Variants in CDH18 observed in about 807,000 individuals in gnomAD.
CDH18 encodes the protein cadherin 18, also known as cadherin-18.
CDH18 carries 31 observed loss-of-function variants against 67.9 expected under a neutral mutation model. The observed-to-expected ratio is 0.46, with a 90% CI of 0.34 to 0.62. The LOEUF (loss-of-function observed/expected upper bound fraction) is 0.62. CDH18 is among the 20% of genes least tolerant of loss of function. CDH18 has a pLI of 0.01. For synonymous variants in CDH18, 362 were observed against 347.2 expected (o/e 1.04, Z -0.48); for missense variants, 890 against 975.5 (o/e 0.91, Z 1.17).
intron 1 of CDH18, among the ~76,000 whole-genome samples, chr5:20,386,396 T>C (rs907907848): frequency 1.3e-5 from 2 of 152,194 alleles, no homozygotes; most frequent in African/African-American, 4.8e-5. Context: ...TGTAATGGCA[T>C]CTTTCTCAGA....
At chr5:19,526,466 G>T (rs1747767030) in intron 9 of CDH18, among the ~76,000 whole-genome samples, 1 of 152,090 alleles carries the variant, frequency 6.6e-6, no homozygotes, top group Non-Finnish European at 1.5e-5. Flanking sequence ...TTTATCCAGT[G>T]ATTACTTTTG....
intron 3 of CDH18, among the ~76,000 whole-genome samples, chr5:19,804,253 G>T (rs1777801527): frequency 6.6e-6 from 1 of 151,054 alleles, no homozygotes; most frequent in Admixed American, 6.6e-5. Context: ...AGTGAGCCGA[G>T]ATCGCACCAC....
rs569266579 is a variant in CDH18 at position 19,669,076 on chromosome 5, T to A, written c.643+52271A>T. Among the ~76,000 whole-genome samples the A allele has an allele frequency of 6.1e-5, 9 of 148,192 alleles. No homozygotes were observed. The South Asian group carries it at 1.7e-3, about 28-fold the overall frequency. On this transcript the variant is annotated intron_variant, in intron 5 of 12. Coordinates refer to ENST00000382275, the MANE Select transcript of CDH18 (RefSeq NM_004934.5). ...TAACTAAATATTCAGAGCATAATGA[T>A]TACTTCCAACTTGATTTGTACAATC...
chr5:20,177,751 GT>G (rs1737355236), intron 2 of CDH18, among the ~76,000 whole-genome samples: 1 of 152,000 alleles, frequency 6.6e-6, no homozygotes, highest in South Asian at 2.1e-4. Context: ...CATGGGGGTG[GT>G]TTCCCCCATA....
At chr5:19,528,933 C>G (rs1424216562) in intron 9 of CDH18, among the ~76,000 whole-genome samples, 5 of 151,360 alleles carry the variant, frequency 3.3e-5, no homozygotes, top group South Asian at 2.1e-4. Context: ...TTTAAATAAA[C>G]TACATAATTA....
intron 2 of CDH18, among the ~76,000 whole-genome samples, chr5:20,054,207 T>A (rs1485523771): frequency 2.0e-5 from 3 of 152,116 alleles, no homozygotes; most frequent in African/African-American, 7.2e-5. Flanking sequence ...TCCCCAAATA[T>A]AAGGTACATA....
intron 4 of CDH18, among the ~76,000 whole-genome samples, chr5:19,743,383 C>A (rs986703021): frequency 1.3e-5 from 2 of 152,100 alleles, no homozygotes; most frequent in East Asian, 1.9e-4. Flanking sequence ...TAAAGACTGA[C>A]AAACTCTTTT....
chr5:20,344,080 C>A (rs1457364668), intron 1 of CDH18, among the ~76,000 whole-genome samples: 3 of 152,148 alleles, frequency 2.0e-5, no homozygotes, highest in African/African-American at 7.2e-5. Context: ...CAAGGATACA[C>A]TTTTCAGCCC....
chr5:20,041,060 T>C (rs566204023), intron 2 of CDH18, among the ~76,000 whole-genome samples: 23 of 152,252 alleles, frequency 1.5e-4, no homozygotes, highest in African/African-American at 5.3e-4. Context: ...TATGGAGAAG[T>C]TAAATAATGT....
intron 1 of CDH18, among the ~76,000 whole-genome samples, chr5:19,987,423 AT>A (rs1440362759): frequency 6.6e-6 from 1 of 152,168 alleles, no homozygotes; most frequent in Non-Finnish European, 1.5e-5. Flanking sequence ...TGTGTTGCTG[AT>A]CACAGGAGCC....
chr5:19,704,599 A>G (rs1182815231), intron 5 of CDH18, among the ~76,000 whole-genome samples: 2 of 152,232 alleles, frequency 1.3e-5, no homozygotes, highest in Middle Eastern at 6.8e-3. Flanking sequence ...AAAGTTTAGG[A>G]TATTATTTTT....
intron 3 of CDH18, among the ~76,000 whole-genome samples, chr5:19,829,975 C>T (rs557764071): frequency 3.3e-5 from 5 of 152,194 alleles, no homozygotes; most frequent in Admixed American, 2.6e-4. Flanking sequence ...GCTAGGATAA[C>T]GGTATAGCCA....
intron 2 of CDH18, among the ~76,000 whole-genome samples, chr5:19,934,292 C>T (rs527476072): frequency 6.6e-6 from 1 of 151,408 alleles, no homozygotes; most frequent in East Asian, 1.9e-4. Context: ...ATTTCTGTAT[C>T]CTTCATGGAC....
At chr5:19,487,299 G>A (rs1440143280) in intron 11 of CDH18, among the ~76,000 whole-genome samples, 1 of 152,092 alleles carries the variant, frequency 6.6e-6, no homozygotes, top group Admixed American at 6.6e-5. Flanking sequence ...TGTCAAACAA[G>A]CTAAACAATC....
intron 2 of CDH18, among the ~76,000 whole-genome samples, chr5:19,916,643 T>C (rs551753151): frequency 6.6e-6 from 1 of 152,336 alleles, no homozygotes; most frequent in East Asian, 1.9e-4. Context: ...TCCAAGTCTC[T>C]GCAATAATGC....
At chr5:20,021,865 T>G (rs1738452917) in intron 2 of CDH18, among the ~76,000 whole-genome samples, 1 of 152,198 alleles carries the variant, frequency 6.6e-6, no homozygotes, top group African/African-American at 2.4e-5. Context: ...ATCATAGGAA[T>G]TTGGTAACAA....
In CDH18 at chr5:20,419,729, G is replaced by A. The variant is rs571570347; in HGVS notation, c.-580+155733C>T. The stretch of plus-strand genomic sequence containing the variant: ...CCTGACCTCATGATCCTCCCGCCTC[G>A]GCCTCCCAAAGTTCTGGGATTACAG... On this transcript the variant is annotated intron_variant, in intron 1 of 14. Coordinates refer to the CDH18 transcript ENST00000507958. Among the ~76,000 whole-genome samples the A allele has an allele frequency of 1.6e-4, 24 of 150,600 alleles. 1 individual carries two copies. Among genetic ancestry groups the A allele is most frequent in the African/African-American group, 3.0e-4 (12 of 40,228 alleles).
intron 3 of CDH18, among the ~76,000 whole-genome samples, chr5:19,784,865 G>A (rs1300755104): frequency 2.0e-5 from 3 of 152,020 alleles, no homozygotes; most frequent in Admixed American, 6.6e-5. Flanking sequence ...AAGAACCTTG[G>A]CTTCCACAAC....
intron 2 of CDH18, among the ~76,000 whole-genome samples, chr5:20,234,612 T>G (rs1373252964): frequency 6.6e-6 from 1 of 152,096 alleles, no homozygotes; most frequent in East Asian, 1.9e-4. Flanking sequence ...TCCAGGTTCC[T>G]GAACTGTGAA....
Sources: allele counts gnomAD v4.1 joint callset (sites outside exome capture counted in the v4.1 genomes callset), GRCh38; gene constraint gnomAD v4.1.1; transcripts MANE v1.5; gene names NCBI Gene and HGNC (gene_info 2026-07-23, HGNC 2026-07-21).